The following LRRC37A2 variants were observed in gnomAD, a reference collection of about 807,000 sequenced individuals.
LRRC37A2 encodes the protein leucine rich repeat containing 37 member A2.
Under a neutral mutation model 68.8 loss-of-function variants are expected in LRRC37A2, and 9 were observed. The observed-to-expected ratio is 0.13, with a 90% CI of 0.08 to 0.23. The LOEUF (loss-of-function observed/expected upper bound fraction) is 0.23. Among genes scored for constraint, LRRC37A2 ranks in the 10% least tolerant of loss-of-function variants. The probability of loss-of-function intolerance (pLI) is 1.00; values close to 1 mark genes in which losing one functional copy is unlikely to be tolerated. For missense variants in LRRC37A2, 168 were observed against 950.4 expected (o/e 0.18, Z 10.82); for synonymous variants, 63 against 367.6 (o/e 0.17, Z 9.48).
the LRRC37A2 span, among the ~76,000 whole-genome samples, chr17:46,882,044 G>T: frequency 6.6e-6 from 1 of 152,112 alleles, no homozygotes; most frequent in South Asian, 2.1e-4. Flanking sequence ...TAATCCCAGC[G>T]ATTGGAGAGG....
At chr17:46,766,854 T>C in the LRRC37A2 span, among the ~76,000 whole-genome samples, 2 of 152,242 alleles carry the variant, frequency 1.3e-5, no homozygotes, top group South Asian at 2.1e-4. Flanking sequence ...CAGACAACAA[T>C]GACCCAGCAG....
chr17:47,018,160 A>T, the LRRC37A2 span: 3 of 1,592,338 alleles, frequency 1.9e-6, no homozygotes, highest in Non-Finnish European at 1.7e-6. Flanking sequence ...CAAACCCAGC[A>T]GGAGACCCCA....
the LRRC37A2 span, chr17:46,931,991 C>A: frequency 7.6e-7 from 1 of 1,310,792 alleles, no homozygotes; most frequent in Non-Finnish European, 1.1e-6. Context: ...CGTCTTTCCT[C>A]AGTACAAAGC....
At chr17:46,755,301 C>G in the LRRC37A2 span, 3 of 1,608,418 alleles carry the variant, frequency 1.9e-6, no homozygotes, top group Non-Finnish European at 2.6e-6. Context: ...TTCATTTCTT[C>G]TGATGTATTT....
At chr17:46,675,726 T>C in the LRRC37A2 span, among the ~76,000 whole-genome samples, 1 of 127,880 alleles carries the variant, frequency 7.8e-6, no homozygotes. Context: ...CATATTTTTT[T>C]CATTGACAGT....
the LRRC37A2 span, among the ~76,000 whole-genome samples, chr17:46,835,027 C>T: frequency 5.9e-5 from 9 of 152,114 alleles, no homozygotes; most frequent in Non-Finnish European, 1.3e-4. Flanking sequence ...CAGGATCTCG[C>T]TCTGTTGTCC....
the LRRC37A2 span, among the ~76,000 whole-genome samples, chr17:46,872,266 G>A: frequency 6.6e-6 from 1 of 152,302 alleles, no homozygotes; most frequent in East Asian, 1.9e-4. Flanking sequence ...TGGGCCAATA[G>A]GGAAATAGGA....
chr17:46,996,405 T>C, the LRRC37A2 span, among the ~76,000 whole-genome samples: 656 of 152,240 alleles, frequency 4.3e-3, 3 homozygotes, highest in Non-Finnish European at 7.7e-3. Flanking sequence ...CTCAAGGAAT[T>C]TTCAGGAGTT....
the LRRC37A2 span, among the ~76,000 whole-genome samples, chr17:46,724,440 A>G: frequency 6.6e-6 from 1 of 152,244 alleles, no homozygotes; most frequent in African/African-American, 2.4e-5. Flanking sequence ...ATTCCATGAT[A>G]GCCAAGGCAG....
At chr17:46,872,605 G>A in the LRRC37A2 span, 8 of 1,612,756 alleles carry the variant, frequency 5.0e-6, no homozygotes, top group Non-Finnish European at 6.8e-6. Flanking sequence ...GAAGCAGTGT[G>A]ACCTGCTGAA....
At chr17:46,987,860 TG>T in the LRRC37A2 span, among the ~76,000 whole-genome samples, 3 of 152,216 alleles carry the variant, frequency 2.0e-5, no homozygotes, top group African/African-American at 7.2e-5. Flanking sequence ...ACTTTAATAA[TG>T]TGGATGAACT....
chr17:46,785,321 T>C, the LRRC37A2 span, among the ~76,000 whole-genome samples: 1 of 152,200 alleles, frequency 6.6e-6, no homozygotes, highest in Non-Finnish European at 1.5e-5. Flanking sequence ...TCACCCTGCA[T>C]TGTGTCACTA....
chr17:46,941,053 G>A, the LRRC37A2 span: 3,385 of 1,084,338 alleles, frequency 3.1e-3, 49 homozygotes, highest in African/African-American at 0.036. Flanking sequence ...AAGAAACTCC[G>A]GTAGCCAGCC....
the LRRC37A2 span, among the ~76,000 whole-genome samples, chr17:46,784,487 G>A: frequency 6.6e-6 from 1 of 152,136 alleles, no homozygotes; most frequent in African/African-American, 2.4e-5. Flanking sequence ...TGAGCGTCAC[G>A]GTGGGAGCAT....
chr17:46,789,288 A>G, the LRRC37A2 span, among the ~76,000 whole-genome samples: 10 of 152,178 alleles, frequency 6.6e-5, no homozygotes, highest in Non-Finnish European at 1.5e-4. Flanking sequence ...CTCTTATTCT[A>G]TGCTCTTCAG....
the LRRC37A2 span, among the ~76,000 whole-genome samples, chr17:46,758,517 A>T: frequency 6.6e-6 from 1 of 152,232 alleles, no homozygotes. Context: ...GCGAATTGTT[A>T]ACCGGCTATT....
chr17:46,710,338 G>A, the LRRC37A2 span, among the ~76,000 whole-genome samples: 3 of 152,132 alleles, frequency 2.0e-5, no homozygotes, highest in Non-Finnish European at 4.4e-5. Context: ...TGCAATTTAA[G>A]CTCCAATATG....
At chr17:46,929,399 C>G in the LRRC37A2 span, 76 of 710,520 alleles carry the variant, frequency 1.1e-4, no homozygotes, top group Non-Finnish European at 1.8e-4. Flanking sequence ...ACAAATTTTA[C>G]AGTTCAGTGA....
chr17:46,708,432 G>T, the LRRC37A2 span, among the ~76,000 whole-genome samples: 1 of 149,978 alleles, frequency 6.7e-6, no homozygotes, highest in Non-Finnish European at 1.5e-5. Flanking sequence ...TTGTATTTTC[G>T]TAATGATTAG....
Sources: gnomAD v4.1 joint callset for allele counts (sites outside exome capture counted in the v4.1 genomes callset) on GRCh38, gnomAD v4.1.1 for gene constraint, MANE v1.5 for transcripts, NCBI Gene and HGNC (gene_info 2026-07-23, HGNC 2026-07-21) for gene names.